PPP4R3A: variants seen among roughly 807,000 people sequenced by gnomAD.
PPP4R3A encodes serine/threonine-protein phosphatase 4 regulatory subunit 3A.
PPP4R3A carries 15 observed loss-of-function variants against 91.7 expected under a neutral mutation model. The ratio of observed to expected loss-of-function variants is 0.16; its 90% CI spans 0.11 to 0.25. The LOEUF (loss-of-function observed/expected upper bound fraction) is 0.25, where lower values mean the gene tolerates loss of function less well. Among genes scored for constraint, PPP4R3A ranks in the 10% least tolerant of loss-of-function variants. The pLI is 1.00. For missense variants in PPP4R3A, 623 were observed against 998.4 expected, an observed-to-expected ratio of 0.62 and a Z score of 5.07; for synonymous variants, 377 against 348.7, an observed-to-expected ratio of 1.08 and a Z score of -0.91.
At chr14:91,478,244 A>T (rs1044220135) in intron 4 of PPP4R3A, among the ~76,000 whole-genome samples, 2 of 152,220 alleles carry the variant, frequency 1.3e-5, no homozygotes, top group African/African-American at 4.8e-5. Flanking sequence ...TCTCCAATAT[A>T]CTATATTCTA....
Position 91,503,293 on chromosome 14 carries a change from ATT to A in PPP4R3A, c.142+6211_142+6212del, listed in dbSNP as rs11333893. Among the ~76,000 whole-genome samples, 581 of 148,468 alleles carry A rather than the reference ATT, an allele frequency of 3.9e-3. 5 individuals are homozygous for A. The highest frequency in any genetic ancestry group is 0.013 in the African/African-American group (539 of 40,380). The stretch of plus-strand genomic sequence containing the variant: ...ATGTGGGCCACTGTGCCCGAGCTAC[ATT>A]TTTTTTTTTTCTGAGACAGGGTCTT... On this transcript the variant is annotated intron_variant, in intron 1 of 14. Transcript: ENST00000554943.
At chr14:91,468,040 T>C (rs1405847602) in intron 10 of PPP4R3A, among the ~76,000 whole-genome samples, 3 of 152,206 alleles carry the variant, frequency 2.0e-5, no homozygotes, top group African/African-American at 7.2e-5. Flanking sequence ...AAGCCAGTTC[T>C]AAAAAGCTTG....
chr14:91,461,636 T>TC, intron 13 of PPP4R3A, 29 bp from the exon 14 acceptor site: 1 of 1,594,996 alleles, frequency 6.3e-7, no homozygotes, highest in South Asian at 1.1e-5. Context: ...TCAATAGTCG[T>TC]CCCCCATACT....
intron 1 of PPP4R3A, among the ~76,000 whole-genome samples, chr14:91,498,868 G>A (rs576018680): frequency 5.0e-4 from 74 of 148,128 alleles, no homozygotes; most frequent in East Asian, 3.0e-3. Flanking sequence ...GAGCCGAGAT[G>A]GCACCACTGC....
At chr14:91,486,474 C>A (rs945811889) in intron 2 of PPP4R3A, among the ~76,000 whole-genome samples, 1 of 152,086 alleles carries the variant, frequency 6.6e-6, no homozygotes, top group African/African-American at 2.4e-5. Flanking sequence ...GCCTGGCCAT[C>A]TAGACAGAAC....
intron 1 of PPP4R3A, among the ~76,000 whole-genome samples, chr14:91,507,155 C>T (rs1421043576): frequency 6.6e-6 from 1 of 151,174 alleles, no homozygotes. Flanking sequence ...CCCGTCTCTA[C>T]TAAAAATACA....
intron 6 of PPP4R3A, 146 bp from the exon 7 acceptor site, chr14:91,476,112 T>C (rs997624505): frequency 4.0e-5 from 32 of 796,752 alleles, no homozygotes; most frequent in Middle Eastern, 3.8e-4. Flanking sequence ...AAAACTCTTA[T>C]TGTACGGATA....
intron 13 of PPP4R3A, 183 bp from the exon 14 acceptor site, chr14:91,461,790 A>G (rs1567144247): frequency 1.2e-6 from 1 of 832,552 alleles, no homozygotes; most frequent in South Asian, 2.0e-5. Flanking sequence ...CTTACCCCAG[A>G]GAAGAATTGA....
In PPP4R3A at chr14:91,472,974, C is replaced by T. The variant is rs1208510570; in HGVS notation, c.1501+59G>A. On this transcript the variant is annotated intron_variant, in intron 9 of 14. Transcript: ENST00000554943. ...CCTCCTAAAAAGACTGACTTAACAC[C>T]AACTTTGAATTCAGCATTCAAGAAC... 6 of 1,520,490 alleles carry T rather than the reference C, an allele frequency of 3.9e-6. No individual in the cohort carries two copies. The East Asian group carries it at 1.4e-4, about 34-fold the overall frequency. The allele number at this position is 1,520,490 out of a possible 1,614,324, so 94.2% of individuals were successfully genotyped here.
intron 1 of PPP4R3A, among the ~76,000 whole-genome samples, chr14:91,508,193 T>A (rs548467865): frequency 2.6e-5 from 4 of 152,316 alleles, no homozygotes; most frequent in Middle Eastern, 3.4e-3. Flanking sequence ...CATTCAAAAA[T>A]TTTTAAATGC....
chr14:91,493,446 T>C (rs1890349062), intron 1 of PPP4R3A, among the ~76,000 whole-genome samples: 1 of 150,702 alleles, frequency 6.6e-6, no homozygotes, highest in Middle Eastern at 3.4e-3. Context: ...TGAGCCATGA[T>C]TGCGCCACTA....
chr14:91,481,903 G>C lies in PPP4R3A; in HGVS notation c.588C>G (p.Ile196Met). Residue 196 changes from isoleucine to methionine, a missense_variant, in exon 4 of 15, where the codon ATC (isoleucine) becomes ATG (methionine). Ile to Met is a conservative substitution (Grantham distance 10). Around this residue, in one of 5 missense-constraint regions of PPP4R3A, gnomAD observed 264 missense variants for 377.3 expected, o/e 0.70. Transcript: ENST00000554943. ...TTCGATTCAAGAGAAAGATGCCTTT[G>C]ATAATTTCATACAAGTGGTGCAGTC... ...IEGLHHLYEI[I>M]KGIFLLNRTA... 3 of 1,614,016 alleles carry C rather than the reference G, an allele frequency of 1.9e-6. No homozygotes were observed. The highest frequency in any genetic ancestry group is 2.5e-6 in the Non-Finnish European group (3 of 1,179,998).
chr14:91,461,467 G>A lies in PPP4R3A; in HGVS notation c.2305C>T (p.Pro769Ser). ...GATCCTGGGGATCCAGGTGATCCCG[G>A]AGAACCAGGCAGATTTGTTGTAGAT... ...QSSTTNLPGS[P>S]GSPGSPGSPG... The change falls in exon 14 of 15, where the codon CCG becomes TCG. Residue 769 changes from proline to serine, a missense_variant. Transcript: ENST00000554943. 1.9e-6 allele frequency: 3 copies of A among 1,614,162 alleles called. No homozygotes were observed. Among genetic ancestry groups the A allele is most frequent in the East Asian group, 2.2e-5 (1 of 44,888 alleles).
At chr14:91,471,763 T>C (rs144573012) in intron 9 of PPP4R3A, among the ~76,000 whole-genome samples, 1 of 152,262 alleles carries the variant, frequency 6.6e-6, no homozygotes, top group African/African-American at 2.4e-5. Flanking sequence ...GCTATAATTA[T>C]GCTATATTAA....
rs61757451 is a variant in PPP4R3A, at chr14:91,482,110, C to T, written c.381G>A (p.Ser127=). 10,046 of 1,614,084 alleles carry T rather than the reference C, an allele frequency of 6.2e-3. 40 individuals carry two copies. Among genetic ancestry groups the T allele is most frequent in the South Asian group, 0.011 (972 of 91,086 alleles). The change falls in exon 4 of 15, where the codon TCG becomes TCA. Residue 127 remains serine (S), a synonymous_variant. Transcript: ENST00000554943. ...CACAAGATGGCAATTCTAAGCCTGG[C>T]GATGACATATCATCAAAACGCTCCT... ...SEEERFDDMS[S]PGLELPSCEL... is the part of the protein sequence containing the mutation.
At chr14:91,499,338 C>T (rs549381403) in intron 1 of PPP4R3A, among the ~76,000 whole-genome samples, 3 of 151,914 alleles carry the variant, frequency 2.0e-5, no homozygotes, top group South Asian at 2.1e-4. Context: ...AAAAAAAGTT[C>T]GAGGAATGCT....
At position 91,457,949 on chromosome 14, in the gene PPP4R3A, G is replaced by A. The variant is rs971447359; in HGVS notation, c.*810C>T. On this transcript the variant is annotated 3_prime_UTR_variant, in exon 15 of 15. Coordinates refer to ENST00000554943, the MANE Select transcript of PPP4R3A (RefSeq NM_001366432.2). ...TTTCATAAAACTCTAAACAAATTAA[G>A]AACTGTGATGTAGAACAAAAATTAC... 10 of 152,318 alleles carry A rather than the reference G, an allele frequency of 6.6e-5. No individual in the cohort carries two copies. The highest frequency in any genetic ancestry group is 1.3e-4 in the Non-Finnish European group (9 of 67,970). 9.4% of individuals were successfully genotyped at this position (152,318 alleles called of 1,614,324 possible). A position where few individuals can be genotyped will look rare whatever the true frequency, so the allele number is the denominator to read the frequency against.
chr14:91,458,227 TAA>T lies in PPP4R3A; in HGVS notation c.*530_*531del, dbSNP rs1887889858. On this transcript the variant is annotated 3_prime_UTR_variant, in exon 15 of 15. Transcript: ENST00000554943. ...CAGTTTGAAGGGCAAAGGGAACAGT[TAA>T]AAAAGAGGAAAACTTTATACTCGCC... The T allele has an allele frequency of 6.5e-6, 1 of 153,832 alleles. No homozygotes were observed. Among genetic ancestry groups the T allele is most frequent in the South Asian group, 2.0e-4 (1 of 4,958 alleles). The allele number at this position is 153,832 out of a possible 1,614,324, so 9.5% of individuals were successfully genotyped here. A position where few individuals can be genotyped will look rare whatever the true frequency, so the allele number is the denominator to read the frequency against.
chr14:91,476,104 A>G (rs1475358562), intron 6 of PPP4R3A, 138 bp from the exon 7 acceptor site: 8 of 830,528 alleles, frequency 9.6e-6, no homozygotes, highest in Non-Finnish European at 1.4e-5. Context: ...CTGCATATAA[A>G]ACTCTTATTG....
Sources: allele counts gnomAD v4.1 joint callset (sites outside exome capture counted in the v4.1 genomes callset), GRCh38; gene constraint gnomAD v4.1.1; regional missense constraint gnomAD v4.1.1; transcripts MANE v1.5; gene names NCBI Gene and HGNC (gene_info 2026-07-23, HGNC 2026-07-21).